C12orf42: variants seen among roughly 807,000 people sequenced by gnomAD.
The protein encoded by C12orf42 is uncharacterized protein C12orf42.
Under a neutral mutation model 21.6 loss-of-function variants are expected in C12orf42, and 25 were observed. The ratio of observed to expected loss-of-function variants is 1.16; its 90% confidence interval spans 0.84 to 1.62. The LOEUF (loss-of-function observed/expected upper bound fraction) is 1.62. Ranked by LOEUF, C12orf42 falls within the 40% of genes most tolerant of loss-of-function variation. The pLI is 0.00. For synonymous variants in C12orf42, 174 were observed against 175.0 expected, an observed-to-expected ratio of 0.99 and a Z score of 0.05; for missense variants, 483 against 459.3, an observed-to-expected ratio of 1.05 and a Z score of -0.47.
At chr12:103,417,791 G>A (rs2049493717) in intron 2 of C12orf42, among the ~76,000 whole-genome samples, 1 of 152,154 alleles carries the variant, frequency 6.6e-6, no homozygotes, top group African/African-American at 2.4e-5. Context: ...AGAAGTGGTT[G>A]GACTGATGAG....
At chr12:103,494,108 TA>T (rs1955356386) in intron 1 of C12orf42, among the ~76,000 whole-genome samples, 3 of 152,212 alleles carry the variant, frequency 2.0e-5, no homozygotes, top group Admixed American at 2.0e-4. Context: ...AGTTTTAAAA[TA>T]AAACAACCCT....
At chr12:103,361,874 T>C (rs1373742771) in intron 4 of C12orf42, among the ~76,000 whole-genome samples, 1 of 151,970 alleles carries the variant, frequency 6.6e-6, no homozygotes, top group East Asian at 1.9e-4. Flanking sequence ...GAGTCTAAGT[T>C]CAGACACACC....
chr12:103,066,066 C>T, the C12orf42 span, among the ~76,000 whole-genome samples: 300 of 152,248 alleles, frequency 2.0e-3, 3 homozygotes, highest in Middle Eastern at 6.8e-3. Context: ...TGAATCACAG[C>T]GGAGGCCTCT....
At chr12:103,321,089 G>A (rs1360541879) in intron 4 of C12orf42, among the ~76,000 whole-genome samples, 2 of 152,032 alleles carry the variant, frequency 1.3e-5, no homozygotes, top group Non-Finnish European at 2.9e-5. Flanking sequence ...CCTACAAAAT[G>A]GGAGAAAATT....
upstream of C12orf42, among the ~76,000 whole-genome samples, chr12:103,500,037 C>CT (rs1955680559): frequency 6.6e-6 from 1 of 152,196 alleles, no homozygotes; most frequent in Non-Finnish European, 1.5e-5. Flanking sequence ...TCTGGCACGT[C>CT]TAAGTTTGGA....
intron 10 of C12orf42, chr12:103,263,254 T>G (rs2034998585): frequency 6.6e-6 from 1 of 151,882 alleles, no homozygotes; most frequent in Admixed American, 6.6e-5. Context: ...CATCTATGTA[T>G]CAAATCTGCA....
rs183844918 is a variant in C12orf42 at position 103,321,866 on chromosome 12, G to T, written c.260-15521C>A. Among the ~76,000 whole-genome samples the T allele has an allele frequency of 3.6e-3, 540 of 151,896 alleles. 2 individuals are homozygous for T. The highest frequency in any genetic ancestry group is 6.0e-3 in the Non-Finnish European group (407 of 67,942). ...AACATCACACTCTGGGGCCTGTTGT[G>T]GGGTGGGGGAAGGGGGGAGGGATAG... On this transcript the variant is annotated intron_variant, in intron 4 of 5. Transcript: ENST00000548883.
the C12orf42 span, among the ~76,000 whole-genome samples, chr12:103,509,655 A>G: frequency 6.6e-6 from 1 of 152,146 alleles, no homozygotes; most frequent in Non-Finnish European, 1.5e-5. Context: ...CTGCAAACTA[A>G]CTAGCTTTCA....
the C12orf42 span, among the ~76,000 whole-genome samples, chr12:103,069,749 A>C: frequency 2.0e-5 from 3 of 152,174 alleles, no homozygotes; most frequent in African/African-American, 7.2e-5. Context: ...TTTTCTCTTA[A>C]TTATATTTCT....
the C12orf42 span, among the ~76,000 whole-genome samples, chr12:103,220,720 G>A: frequency 1.3e-5 from 2 of 152,188 alleles, no homozygotes; most frequent in Middle Eastern, 3.4e-3. Context: ...CCTCTTTTCT[G>A]AAGTATCTTC....
Position 103,307,741 on chromosome 12 carries a change from G to A in C12orf42, c.260-1396C>T, listed in dbSNP as rs536225639. Among the ~76,000 whole-genome samples the A allele has an allele frequency of 4.6e-5, 7 of 152,214 alleles. No homozygotes were observed. In the East Asian group the frequency reaches 1.4e-3, roughly 29 times the overall value. ...TAGATTTACAACTAGATGAATGGTA[G>A]AGGGGCATGCACATGTGTGCACATG... On this transcript the variant is annotated intron_variant, in intron 4 of 5. Transcript: ENST00000548883.
At chr12:103,059,322 G>GTTATTAATTA in the C12orf42 span, among the ~76,000 whole-genome samples, 1 of 152,290 alleles carries the variant, frequency 6.6e-6, no homozygotes, top group African/African-American at 2.4e-5. Flanking sequence ...TCCTGAAACT[G>GTTATTAATTA]AGGCAGTAAT....
At chr12:103,260,200 A>G (rs2034824760) in intron 10 of C12orf42, among the ~76,000 whole-genome samples, 1 of 152,134 alleles carries the variant, frequency 6.6e-6, no homozygotes, top group Non-Finnish European at 1.5e-5. Context: ...AGTCTGCTAA[A>G]AAGAAATAGA....
chr12:103,521,076 G>A, the C12orf42 span, among the ~76,000 whole-genome samples: 35 of 152,304 alleles, frequency 2.3e-4, no homozygotes, highest in African/African-American at 7.2e-4. Context: ...GATATGGCAT[G>A]CACTGTGCTG....
At chr12:103,060,570 C>T in the C12orf42 span, among the ~76,000 whole-genome samples, 1 of 151,932 alleles carries the variant, frequency 6.6e-6, no homozygotes, top group Non-Finnish European at 1.5e-5. Flanking sequence ...ACCTGACTTC[C>T]AACTATACTA....
chr12:103,346,520 C>T (rs2042635485), intron 4 of C12orf42, among the ~76,000 whole-genome samples: 1 of 152,098 alleles, frequency 6.6e-6, no homozygotes, highest in African/African-American at 2.4e-5. Flanking sequence ...TATAGCAGAA[C>T]ATTCTTTTTC....
At chr12:103,492,265 T>G (rs906068894) in intron 1 of C12orf42, among the ~76,000 whole-genome samples, 1 of 152,230 alleles carries the variant, frequency 6.6e-6, no homozygotes, top group African/African-American at 2.4e-5. Context: ...GCCCTCATTC[T>G]TAATTCTATG....
chr12:103,485,071 A>G (rs1954741565), intron 1 of C12orf42, among the ~76,000 whole-genome samples: 1 of 151,872 alleles, frequency 6.6e-6, no homozygotes, highest in African/African-American at 2.4e-5. Context: ...GGGTTTCACC[A>G]TGTTAGCCAG....
At chr12:103,563,444 A>G in the C12orf42 span, among the ~76,000 whole-genome samples, 1 of 152,258 alleles carries the variant, frequency 6.6e-6, no homozygotes, top group Non-Finnish European at 1.5e-5. Flanking sequence ...TTTATGTATC[A>G]GTAAGTTTTC....
Sources: allele counts gnomAD v4.1 joint callset (sites outside exome capture counted in the v4.1 genomes callset), GRCh38; gene constraint gnomAD v4.1.1; transcripts MANE v1.5; gene names NCBI Gene and HGNC (gene_info 2026-07-23, HGNC 2026-07-21).